Variants in CERS5 observed in about 807,000 individuals in gnomAD.
CERS5 encodes ceramide synthase 5.
Under a neutral mutation model 58.9 loss-of-function variants are expected in CERS5, and 37 were observed. That is an observed-to-expected ratio of 0.63 (90% CI 0.48 to 0.83). CERS5 has a LOEUF of 0.83. Among genes scored for constraint, CERS5 ranks in the 40% least tolerant of loss-of-function variants. The pLI, the probability that CERS5 is intolerant of heterozygous loss-of-function variation, is 0.00. For synonymous variants in CERS5, 147 were observed against 177.8 expected (o/e 0.83, Z 1.38); for missense variants, 398 against 489.3 (o/e 0.81, Z 1.76).
At chr12:50,149,782 T>C (rs1937740559) in intron 1 of CERS5, among the ~76,000 whole-genome samples, 1 of 152,172 alleles carries the variant, frequency 6.6e-6, no homozygotes, top group African/African-American at 2.4e-5. Flanking sequence ...ATGCCTAGGC[T>C]GAAGTGAAGT....
chr12:50,156,040 C>T (rs1440426283), intron 1 of CERS5, among the ~76,000 whole-genome samples: 1 of 135,626 alleles, frequency 7.4e-6, no homozygotes, highest in Non-Finnish European at 1.5e-5. Context: ...GCAGAGGTTG[C>T]AGTGAGCTGA....
chr12:50,137,855 T>C, intron 5 of CERS5, 35 bp from the exon 6 acceptor site: 2 of 1,369,668 alleles, frequency 1.5e-6, no homozygotes, highest in Non-Finnish European at 2.1e-6. Context: ...GATTACCGGC[T>C]AGTCAAAGGT....
At chr12:50,156,437 T>TATATAAAA (rs1197474516) in intron 1 of CERS5, among the ~76,000 whole-genome samples, 1 of 108,854 alleles carries the variant, frequency 9.2e-6, no homozygotes, top group Non-Finnish European at 2.1e-5. Flanking sequence ...TATATATATA[T>TATATAAAA]AAAACAATTA....
chr12:50,163,700 C>T (rs977584025), intron 1 of CERS5, among the ~76,000 whole-genome samples: 1 of 152,034 alleles, frequency 6.6e-6, no homozygotes, highest in African/African-American at 2.4e-5. Flanking sequence ...GGCTGAAGTA[C>T]AGTGGTTTGA....
At chr12:50,143,308 G>A (rs758565638) in intron 2 of CERS5, 104 bp from the exon 3 acceptor site, 1 of 1,350,964 alleles carries the variant, frequency 7.4e-7, no homozygotes, top group East Asian at 2.3e-5. Context: ...AGTGGCTCAA[G>A]TGATGTTTAT....
chr12:50,151,852 C>G (rs1426425418), intron 1 of CERS5, among the ~76,000 whole-genome samples: 1 of 152,190 alleles, frequency 6.6e-6, no homozygotes, highest in African/African-American at 2.4e-5. Flanking sequence ...ACCATGCTGG[C>G]CAGGCTGGTC....
chr12:50,151,218 T>C (rs1937924039), intron 1 of CERS5, among the ~76,000 whole-genome samples: 1 of 152,200 alleles, frequency 6.6e-6, no homozygotes, highest in Non-Finnish European at 1.5e-5. Flanking sequence ...TACACTCCAC[T>C]GAAGCTGTTC....
intron 9 of CERS5, among the ~76,000 whole-genome samples, chr12:50,131,578 G>GAAAA (rs367907673): frequency 8.0e-6 from 1 of 125,262 alleles, no homozygotes; most frequent in Non-Finnish European, 1.7e-5. Context: ...AAAAAAAAAA[G>GAAAA]AAAAAAAAAA....
intron 4 of CERS5, among the ~76,000 whole-genome samples, chr12:50,139,039 GT>G (rs1294683264): frequency 6.6e-6 from 1 of 152,084 alleles, no homozygotes; most frequent in Non-Finnish European, 1.5e-5. Context: ...TCATTAAATT[GT>G]TCATAATACT....
At chr12:50,143,302 GC>G in intron 2 of CERS5, 98 bp from the exon 3 acceptor site, 1 of 1,403,616 alleles carries the variant, frequency 7.1e-7, no homozygotes, top group Non-Finnish European at 9.8e-7. Context: ...GCCATAAGTG[GC>G]TCAAGTGATG....
chr12:50,148,938 ATATATATATG>A (rs1755446965), intron 1 of CERS5, among the ~76,000 whole-genome samples: 1 of 133,568 alleles, frequency 7.5e-6, no homozygotes, highest in South Asian at 2.4e-4. Flanking sequence ...ATATATATAT[ATATATATATG>A]TGTGTGTGTG....
intron 1 of CERS5, among the ~76,000 whole-genome samples, chr12:50,152,884 A>G (rs1302184596): frequency 6.6e-6 from 1 of 152,086 alleles, no homozygotes; most frequent in Non-Finnish European, 1.5e-5. Flanking sequence ...AGCCTGGCCA[A>G]CACAGTAAAA....
chr12:50,144,719 G>A (rs777495870), intron 1 of CERS5: 10 of 1,077,968 alleles, frequency 9.3e-6, no homozygotes, highest in Middle Eastern at 2.0e-4. Flanking sequence ...GCACTCTATC[G>A]TAGTCTCAGA....
At chr12:50,155,047 G>C in intron 1 of CERS5, among the ~76,000 whole-genome samples, 1 of 151,934 alleles carries the variant, frequency 6.6e-6, no homozygotes, top group Non-Finnish European at 1.5e-5. Context: ...TAGTAGAGAC[G>C]GGGTTTCACC....
In CERS5 at chr12:50,158,655, G is replaced by A. The variant is rs1303811969; in HGVS notation, c.197+8446C>T. On this transcript the variant is annotated intron_variant, in intron 1 of 9. Coordinates refer to ENST00000317551, the MANE Select transcript of CERS5 (RefSeq NM_147190.5). ...TTGGTGTTTATCAAGTGTAGGAGAT[G>A]ACTGATTTCTGGGGAATCAGTAGAT... Among the ~76,000 whole-genome samples, 3 of 152,182 alleles carry A rather than the reference G, an allele frequency of 2.0e-5. No homozygotes were observed. In the East Asian group the frequency reaches 5.8e-4, roughly 29 times the overall value.
chr12:50,143,163 C>A lies in CERS5; in HGVS notation c.345G>T (p.Leu115=), dbSNP rs1952069872. Residue 115 remains leucine, a synonymous_variant, in exon 3 of 10, where the codon CTG becomes CTT. Transcript: ENST00000317551. ...KKRLEGLSKQ[L]DWNVRKIQCW... is the part of the protein sequence containing the mutation. ...ATTGGATTTTTCGGACATTCCAATC[C>A]AGCTGCTTTGACAGGCCCTCCAGCC... 4 of 1,614,002 alleles carry A rather than the reference C, an allele frequency of 2.5e-6. No individual in the cohort carries two copies. In the African/African-American group the frequency reaches 5.3e-5, roughly 22 times the overall value.
chr12:50,139,741 C>T (rs974242171), intron 4 of CERS5, among the ~76,000 whole-genome samples: 15 of 151,788 alleles, frequency 9.9e-5, no homozygotes, highest in African/African-American at 3.6e-4. Context: ...TGCAGTGAGC[C>T]GAGATTGTAC....
intron 3 of CERS5, among the ~76,000 whole-genome samples, chr12:50,142,388 A>G (rs1383571811): frequency 6.6e-6 from 1 of 152,130 alleles, no homozygotes; most frequent in African/African-American, 2.4e-5. Context: ...CCTTGTCTCT[A>G]CGAATACAAA....
At chr12:50,166,625 T>C (rs1939929358) in intron 1 of CERS5, among the ~76,000 whole-genome samples, 1 of 151,976 alleles carries the variant, frequency 6.6e-6, no homozygotes, top group South Asian at 2.1e-4. Context: ...AACTCAAGCG[T>C]CCTAACAAAT....
Sources: gnomAD v4.1 joint callset for allele counts (sites outside exome capture counted in the v4.1 genomes callset) on GRCh38, gnomAD v4.1.1 for gene constraint, MANE v1.5 for transcripts, NCBI Gene and HGNC (gene_info 2026-07-23, HGNC 2026-07-21) for gene names.